SPEF2: variants seen among roughly 807,000 people sequenced by gnomAD.
SPEF2 encodes sperm flagella and cilia-associated protein 2.
Under a neutral mutation model 224.6 loss-of-function variants are expected in SPEF2, and 187 were observed. The ratio of observed to expected loss-of-function variants is 0.83; its 90% CI spans 0.74 to 0.94. SPEF2 has a LOEUF of 0.94. SPEF2 is among the 40% of genes least tolerant of loss of function. SPEF2 has a pLI of 0.00. For synonymous variants in SPEF2, 715 were observed against 707.3 expected (o/e 1.01, Z -0.17); for missense variants, 2,170 against 2,135.6 (o/e 1.02, Z -0.32).
chr5:35,617,990 G>A lies in SPEF2; in HGVS notation c.-8G>A, dbSNP rs1374411583. 1.3e-6 allele frequency: 2 copies of A among 1,575,536 alleles called. No homozygotes were observed. The highest frequency in any genetic ancestry group is 1.7e-6 in the Non-Finnish European group (2 of 1,157,878). Reference sequence around the variant, plus strand: ...CCCCCGCCTGCGGTCTGAGGCACCGGCTGAACCATGTCGGAGATCCTGTGC... The same window carrying A: ...CCCCCGCCTGCGGTCTGAGGCACCGACTGAACCATGTCGGAGATCCTGTGC... On this transcript the variant is annotated 5_prime_UTR_variant, in exon 1 of 37. Coordinates refer to ENST00000356031, the MANE Select transcript of SPEF2 (RefSeq NM_024867.4).
In SPEF2 at chr5:35,670,232, C is replaced by A; in HGVS notation, c.1524+5C>A. The A allele has an allele frequency of 6.3e-7, 1 of 1,586,270 alleles. No homozygotes were observed. Among genetic ancestry groups the A allele is most frequent in the Non-Finnish European group, 8.5e-7 (1 of 1,169,862 alleles). ...AATGATTATGAAGAATATAAGGTAC[C>A]TACTGATATGAAATAATTAGAATGC... On this transcript the variant is annotated splice_donor_5th_base_variant and intron_variant, in intron 10 of 36. Transcript: ENST00000356031.
chr5:35,721,550 C>A (rs1743663382), intron 20 of SPEF2, among the ~76,000 whole-genome samples: 1 of 152,158 alleles, frequency 6.6e-6, no homozygotes, highest in Non-Finnish European at 1.5e-5. Context: ...ACTTAGCAAA[C>A]CTTGCATCTG....
chr5:35,798,433 C>CTCTTCCCCTGGATG lies in SPEF2; in HGVS notation c.4831-1526_4831-1513dup, dbSNP rs368490364. Among the ~76,000 whole-genome samples, 218 of 152,234 alleles carry CTCTTCCCCTGGATG rather than the reference C, an allele frequency of 1.4e-3. 1 individual carries two copies. Among genetic ancestry groups the CTCTTCCCCTGGATG allele is most frequent in the African/African-American group, 4.9e-3 (205 of 41,536 alleles). On this transcript the variant is annotated intron_variant, in intron 33 of 36. Coordinates refer to ENST00000356031, the MANE Select transcript of SPEF2 (RefSeq NM_024867.4). The stretch of plus-strand genomic sequence containing the variant: ...CTCAGCAGCCCCTTTGTCTGTCATG[C>CTCTTCCCCTGGATG]TCTTCCCCTGGATGTCTTCCCCAGC...
Position 35,779,130 on chromosome 5 carries a change from A to G in SPEF2, c.4231A>G (p.Thr1411Ala). The change falls in exon 30 of 37, where the codon ACT becomes GCT. Residue 1411 changes from threonine (T) to alanine (A), a missense_variant. By Grantham distance (58) the Thr-to-Ala change is moderately conservative. Coordinates refer to ENST00000356031, the MANE Select transcript of SPEF2 (RefSeq NM_024867.4). The part of the protein sequence containing the change: ...LNEMASTEKL[T>A]DVARYHIETS... ...TACCACTTTCAGTACAGAAAAATTA[A>G]CTGACGTAGCTCGCTATCACATTGA... 1.2e-6 allele frequency: 2 copies of G among 1,612,354 alleles called. No homozygotes were observed. Among genetic ancestry groups the G allele is most frequent in the Non-Finnish European group, 1.7e-6 (2 of 1,179,242 alleles).
chr5:35,697,574 C>A, intron 14 of SPEF2, 116 bp from the exon 15 acceptor site: 1 of 756,494 alleles, frequency 1.3e-6, no homozygotes, highest in Non-Finnish European at 2.1e-6. Flanking sequence ...CGAACTGTGC[C>A]ACATGATCAG....
At chr5:35,668,219 A>G (rs1750786351) in intron 9 of SPEF2, among the ~76,000 whole-genome samples, 1 of 152,194 alleles carries the variant, frequency 6.6e-6, no homozygotes. Flanking sequence ...AAATGTTTAT[A>G]TCACCTTTAT....
chr5:35,765,237 T>C (rs1247658060), intron 26 of SPEF2, among the ~76,000 whole-genome samples: 1 of 152,228 alleles, frequency 6.6e-6, no homozygotes, highest in Non-Finnish European at 1.5e-5. Context: ...GTGTCTTATT[T>C]TGCTCAACTT....
At chr5:35,646,861 C>T (rs2149415932) in intron 5 of SPEF2, 54 bp downstream of exon 5, 1 of 1,584,038 alleles carries the variant, frequency 6.3e-7, no homozygotes, top group East Asian at 2.2e-5. Context: ...AAAGAATAGT[C>T]TGTCTCTGGA....
intron 25 of SPEF2, among the ~76,000 whole-genome samples, chr5:35,762,880 T>C (rs1319215483): frequency 6.6e-6 from 1 of 152,172 alleles, no homozygotes; most frequent in African/African-American, 2.4e-5. Context: ...AGCTTAACTT[T>C]GTGTCCCCAC....
chr5:35,656,975 T>C lies in SPEF2; in HGVS notation c.979-2044T>C, dbSNP rs59953529. The stretch of plus-strand genomic sequence containing the variant: ...GCTCCTGTGCAACTGACACAAGAGA[T>C]CCTGGTCCACAGTGGTGGAATGGGA... On this transcript the variant is annotated intron_variant, in intron 7 of 36. Transcript: ENST00000356031. 7.0e-3 allele frequency among the ~76,000 whole-genome samples: 1,066 copies of C among 152,336 alleles called. 15 individuals carry two copies. Among genetic ancestry groups the C allele is most frequent in the African/African-American group, 0.025 (1,032 of 41,576 alleles).
chr5:35,717,110 G>T (rs184235562), intron 20 of SPEF2, among the ~76,000 whole-genome samples: 1 of 152,238 alleles, frequency 6.6e-6, no homozygotes, highest in African/African-American at 2.4e-5. Flanking sequence ...TTAATTAGGA[G>T]CCAAATTTAG....
Position 35,667,166 on chromosome 5 carries a change from G to C in SPEF2, c.1262G>C (p.Arg421Pro), listed in dbSNP as rs139580877. Residue 421 changes from arginine (R) to proline (P), a missense_variant, in exon 9 of 37, where the codon CGT (arginine) becomes CCT (proline). Physicochemically the swap from Arg to Pro is moderately radical, Grantham distance 103 (BLOSUM62 -2). Coordinates refer to ENST00000356031, the MANE Select transcript of SPEF2 (RefSeq NM_024867.4). Reference sequence around the variant, plus strand: ...ATTGCTGTGGAAAGAGCTCAAGCTCGTTATGAAAAGCATTATTCAGTATGT... The same window carrying C: ...ATTGCTGTGGAAAGAGCTCAAGCTCCTTATGAAAAGCATTATTCAGTATGT... ...DQIAVERAQA[R>P]YEKHYSVCAE... The C allele has an allele frequency of 3.7e-6, 6 of 1,612,266 alleles. No homozygotes were observed. The Admixed American group carries it at 5.0e-5, about 13-fold the overall frequency.
At position 35,797,317 on chromosome 5, in the gene SPEF2, G is replaced by GGTGTGTCTGTGTGTGT. The variant is rs369368858; in HGVS notation, c.4830+1528_4830+1529insCTGTGTGTGTGTGTGT. 3.6e-3 allele frequency among the ~76,000 whole-genome samples: 508 copies of GGTGTGTCTGTGTGTGT among 142,186 alleles called. 6 individuals are homozygous for GGTGTGTCTGTGTGTGT. Among genetic ancestry groups the GGTGTGTCTGTGTGTGT allele is most frequent in the African/African-American group, 8.0e-3 (282 of 35,404 alleles). 93.3% of individuals were successfully genotyped at this position (142,186 alleles called of 152,430 possible). A position where few individuals can be genotyped will look rare whatever the true frequency, so the allele number is the denominator to read the frequency against. ...TGTTATGGAACAAAGATGGCTGACG[G>GGTGTGTCTGTGTGTGT]GTGTGTGTGTGTGTGTGTGTGTGTG... is the stretch of plus-strand genomic sequence containing the variant. On this transcript the variant is annotated intron_variant, in intron 33 of 36. Transcript: ENST00000356031.
intron 16 of SPEF2, among the ~76,000 whole-genome samples, chr5:35,701,352 G>T (rs1738590185): frequency 6.6e-6 from 1 of 152,140 alleles, no homozygotes; most frequent in Non-Finnish European, 1.5e-5. Context: ...CCTTGAGAAA[G>T]TTACCTTATT....
chr5:35,808,004 T>C, intron 36 of SPEF2: 10 of 1,243,776 alleles, frequency 8.0e-6, no homozygotes, highest in Non-Finnish European at 1.0e-5. Context: ...ACAAAGTGTT[T>C]GCTGAGTTGA....
At chr5:35,722,653 A>G (rs562707420) in intron 20 of SPEF2, among the ~76,000 whole-genome samples, 53 of 89,208 alleles carry the variant, frequency 5.9e-4, no homozygotes, top group African/African-American at 2.3e-3. Context: ...ACCCCACAAC[A>G]GTCCCCAGAG....
At chr5:35,706,969 T>G (rs916096421) in intron 18 of SPEF2, among the ~76,000 whole-genome samples, 11 of 152,196 alleles carry the variant, frequency 7.2e-5, no homozygotes, top group African/African-American at 2.7e-4. Flanking sequence ...ATCAGTTTGT[T>G]TTTGCCAACT....
intron 24 of SPEF2, among the ~76,000 whole-genome samples, chr5:35,756,120 G>C (rs557124851): frequency 6.6e-6 from 1 of 152,248 alleles, no homozygotes; most frequent in African/African-American, 2.4e-5. Context: ...GCTCTATTTT[G>C]AGTAGTGTGA....
chr5:35,658,997 A>T (rs747346785), intron 7 of SPEF2, 22 bp from the exon 8 acceptor site: 1 of 1,497,396 alleles, frequency 6.7e-7, no homozygotes, highest in Non-Finnish European at 8.9e-7. Flanking sequence ...ACTTTAACAA[A>T]TAATTCCCCT....
Sources: gnomAD v4.1 joint callset for allele counts (sites outside exome capture counted in the v4.1 genomes callset) on GRCh38, gnomAD v4.1.1 for gene constraint, MANE v1.5 for transcripts, NCBI Gene and HGNC (gene_info 2026-07-23, HGNC 2026-07-21) for gene names.